LRRC69: variants seen among roughly 807,000 people sequenced by gnomAD.
LRRC69 encodes leucine-rich repeat-containing protein 69.
A neutral mutation model predicts 37.8 loss-of-function variants in LRRC69; 42 were observed. The observed-to-expected ratio is 1.11, with a 90% CI of 0.87 to 1.44. The LOEUF (loss-of-function observed/expected upper bound fraction) is 1.44, where lower values mean the gene tolerates loss of function less well. LRRC69 is among the 40% of genes most tolerant of loss of function. The probability of loss-of-function intolerance (pLI) is 0.00; values close to 1 mark genes in which losing one functional copy is unlikely to be tolerated. For synonymous variants in LRRC69, 141 were observed against 143.1 expected (o/e 0.99, Z 0.11); for missense variants, 357 against 401.9 (o/e 0.89, Z 0.96).
intron 5 of LRRC69, among the ~76,000 whole-genome samples, chr8:91,175,569 A>G (rs1291114096): frequency 7.9e-5 from 12 of 152,016 alleles, no homozygotes; most frequent in African/African-American, 2.9e-4. Flanking sequence ...TGGCCAGGCT[A>G]TATTGGCTTT....
intron 5 of LRRC69, among the ~76,000 whole-genome samples, chr8:91,147,905 T>C (rs1056174928): frequency 2.0e-5 from 3 of 151,680 alleles, no homozygotes; most frequent in African/African-American, 7.2e-5. Flanking sequence ...TTCCCTTCCC[T>C]GTGTCCATGT....
At chr8:91,166,917 G>A (rs1679975519) in intron 5 of LRRC69, among the ~76,000 whole-genome samples, 1 of 151,882 alleles carries the variant, frequency 6.6e-6, no homozygotes, top group Admixed American at 6.6e-5. Context: ...CACAGAGCTG[G>A]TTATAGATTC....
chr8:91,124,644 AT>A, intron 2 of LRRC69, 25 bp downstream of exon 2: 1 of 1,494,152 alleles, frequency 6.7e-7, no homozygotes, highest in East Asian at 2.6e-5. Context: ...AAGGAACAAC[AT>A]TATAGCATCA....
intron 5 of LRRC69, among the ~76,000 whole-genome samples, chr8:91,156,259 C>G (rs1304768478): frequency 2.7e-5 from 4 of 150,938 alleles, no homozygotes; most frequent in African/African-American, 9.7e-5. Flanking sequence ...TGGACAAGAG[C>G]CATTCCAACT....
chr8:91,166,864 A>T (rs1252476738), intron 5 of LRRC69, among the ~76,000 whole-genome samples: 1 of 151,838 alleles, frequency 6.6e-6, no homozygotes, highest in African/African-American at 2.4e-5. Flanking sequence ...TGCCAACCAA[A>T]CGCTGTTATT....
At chr8:91,174,298 G>T (rs190283594) in intron 5 of LRRC69, among the ~76,000 whole-genome samples, 107 of 152,118 alleles carry the variant, frequency 7.0e-4, no homozygotes, top group African/African-American at 2.5e-3. Flanking sequence ...GTATTCTTTT[G>T]GTTAAAATAG....
chr8:91,154,031 A>G (rs147755524), intron 5 of LRRC69, among the ~76,000 whole-genome samples: 107 of 151,898 alleles, frequency 7.0e-4, no homozygotes, highest in African/African-American at 2.4e-3. Context: ...TACAAAGGGC[A>G]TATCACCACT....
intron 5 of LRRC69, among the ~76,000 whole-genome samples, chr8:91,152,212 C>G (rs1346288193): frequency 3.3e-5 from 5 of 151,544 alleles, no homozygotes; most frequent in Admixed American, 6.6e-5. Flanking sequence ...TTGCGCATGC[C>G]TATTTTCTGA....
intron 5 of LRRC69, among the ~76,000 whole-genome samples, chr8:91,142,256 CAT>C (rs1808544423): frequency 6.6e-6 from 1 of 151,902 alleles, no homozygotes; most frequent in Non-Finnish European, 1.5e-5. Flanking sequence ...AACAAAATAT[CAT>C]ATATAAAATA....
chr8:91,198,616 T>A (rs906453015), intron 6 of LRRC69, among the ~76,000 whole-genome samples: 10 of 152,172 alleles, frequency 6.6e-5, no homozygotes. Context: ...ATTTCATTTA[T>A]GATGAATTAT....
At position 91,135,663 on chromosome 8, in the gene LRRC69, C is replaced by T. The variant is rs13249802; in HGVS notation, c.580-5C>T. The T allele has an allele frequency of 2.8e-6, 4 of 1,444,436 alleles. No homozygotes were observed. Among genetic ancestry groups the T allele is most frequent in the Non-Finnish European group, 3.7e-6 (4 of 1,091,426 alleles). The allele number at this position is 1,444,436 out of a possible 1,614,324, so 89.5% of individuals were successfully genotyped here. On this transcript the variant is annotated splice_polypyrimidine_tract_variant and splice_region_variant and intron_variant, in intron 4 of 7. Coordinates refer to ENST00000448384, the Ensembl canonical transcript of LRRC69. ...AAAATCTCTCTCTTCTGTTTTCTGA[C>T]ACAGGAACTTTGTGATCTTAAAAAA...
At chr8:91,156,021 G>C (rs1808828793) in intron 5 of LRRC69, among the ~76,000 whole-genome samples, 1 of 150,104 alleles carries the variant, frequency 6.7e-6, no homozygotes, top group Admixed American at 6.7e-5. Context: ...CTGTAAACAT[G>C]GGGGTGCAGA....
intron 5 of LRRC69, among the ~76,000 whole-genome samples, chr8:91,185,567 C>T (rs979719562): frequency 9.6e-6 from 1 of 104,210 alleles, no homozygotes; most frequent in Non-Finnish European, 2.0e-5. Flanking sequence ...CATGGGTTCC[C>T]AGCACAGATA....
chr8:91,128,266 A>G lies in LRRC69; in HGVS notation c.383+1106A>G, dbSNP rs1246908846. On this transcript the variant is annotated intron_variant, in intron 3 of 7. Transcript: ENST00000448384. ...CTCATCTCTAAAGAAAGAATTTTGA[A>G]TAGATGAACCTCAAAGTTTTTGCAG... is the stretch of plus-strand genomic sequence containing the variant. Among the ~76,000 whole-genome samples, 12 of 152,064 alleles carry G rather than the reference A, an allele frequency of 7.9e-5. No homozygotes were observed. The East Asian group carries it at 2.3e-3, about 29-fold the overall frequency.
At chr8:91,151,497 T>C (rs1808736610) in intron 5 of LRRC69, among the ~76,000 whole-genome samples, 1 of 151,866 alleles carries the variant, frequency 6.6e-6, no homozygotes, top group Non-Finnish European at 1.5e-5. Flanking sequence ...AGGAGTGCTT[T>C]ACTTCCAACT....
At chr8:91,209,299 G>A (rs1344687612) in intron 7 of LRRC69, among the ~76,000 whole-genome samples, 1 of 152,036 alleles carries the variant, frequency 6.6e-6, no homozygotes, top group Non-Finnish European at 1.5e-5. Context: ...CATGGTGGTG[G>A]GCACCTGTAA....
At chr8:91,202,825 T>C (rs1314211583) in intron 7 of LRRC69, among the ~76,000 whole-genome samples, 1 of 152,186 alleles carries the variant, frequency 6.6e-6, no homozygotes, top group Non-Finnish European at 1.5e-5. Context: ...ATATAACATC[T>C]GCATAGAGAA....
chr8:91,212,776 G>T (rs760753940), intron 7 of LRRC69, among the ~76,000 whole-genome samples: 6 of 152,104 alleles, frequency 3.9e-5, no homozygotes, highest in Non-Finnish European at 5.9e-5. Flanking sequence ...GGATCAGAAA[G>T]CATCACATTT....
intron 1 of LRRC69, among the ~76,000 whole-genome samples, chr8:91,122,202 T>C (rs11787186): frequency 0.35 from 52,978 of 151,926 alleles, 11,800 homozygotes; most frequent in South Asian, 0.56. Context: ...AAAATACATG[T>C]TACCATCCCT....
Sources: gnomAD v4.1 joint callset for allele counts (sites outside exome capture counted in the v4.1 genomes callset) on GRCh38, gnomAD v4.1.1 for gene constraint, MANE v1.5 for transcripts, NCBI Gene and HGNC (gene_info 2026-07-23, HGNC 2026-07-21) for gene names.